Variants in INSR observed in about 807,000 individuals in gnomAD.
INSR encodes the protein IR.
A neutral mutation model predicts 142.6 loss-of-function variants in INSR; 67 were observed. That is an observed-to-expected ratio of 0.47 (90% CI 0.39 to 0.58). The LOEUF (loss-of-function observed/expected upper bound fraction) is 0.58. Among genes scored for constraint, INSR ranks in the 20% least tolerant of loss-of-function variants. The probability of loss-of-function intolerance (pLI) is 0.00; values close to 1 mark genes in which losing one functional copy is unlikely to be tolerated. For synonymous variants in INSR, 756 were observed against 743.1 expected (o/e 1.02, Z -0.28); for missense variants, 1,248 against 1,833.2 (o/e 0.68, Z 5.83).
chr19:7,184,787 C>G (rs935653692), intron 2 of INSR, 150 bp from the exon 3 acceptor site: 57 of 506,504 alleles, frequency 1.1e-4, no homozygotes, highest in Admixed American at 8.1e-5. Flanking sequence ...ACAGTAAAAG[C>G]GGCACGTCTA....
chr19:7,197,414 A>G (rs1319546117), intron 2 of INSR, among the ~76,000 whole-genome samples: 1 of 152,172 alleles, frequency 6.6e-6, no homozygotes, highest in Non-Finnish European at 1.5e-5. Context: ...CGGATCTCTT[A>G]GGAGATATAC....
intron 2 of INSR, among the ~76,000 whole-genome samples, chr19:7,234,659 G>T (rs576887841): frequency 1.4e-4 from 22 of 152,286 alleles, no homozygotes; most frequent in African/African-American, 5.3e-4. Context: ...AATGAAAATG[G>T]GAGAATCGAC....
At chr19:7,160,995 C>CA (rs371302865) in intron 9 of INSR, among the ~76,000 whole-genome samples, 3,893 of 101,652 alleles carry the variant, frequency 0.038, 196 homozygotes, top group African/African-American at 0.13. Context: ...GACTCCGTGT[C>CA]AAAAAAAAAA....
At chr19:7,287,363 G>A (rs1471317060) in intron 1 of INSR, among the ~76,000 whole-genome samples, 1 of 151,858 alleles carries the variant, frequency 6.6e-6, no homozygotes, top group Non-Finnish European at 1.5e-5. Flanking sequence ...GTTTCACCAT[G>A]TTGGTCAGGC....
intron 13 of INSR, among the ~76,000 whole-genome samples, chr19:7,138,883 A>G (rs1242858685): frequency 2.6e-5 from 4 of 152,138 alleles, no homozygotes; most frequent in African/African-American, 9.7e-5. Flanking sequence ...ATATTAATAA[A>G]CTTTGCAATT....
intron 2 of INSR, among the ~76,000 whole-genome samples, chr19:7,199,412 G>A (rs1974887189): frequency 6.6e-6 from 1 of 151,296 alleles, no homozygotes; most frequent in Non-Finnish European, 1.5e-5. Flanking sequence ...TTGTTTGTTT[G>A]TTTGAAACAG....
At chr19:7,201,594 C>T (rs1265498700) in intron 2 of INSR, among the ~76,000 whole-genome samples, 8 of 151,534 alleles carry the variant, frequency 5.3e-5, no homozygotes, top group Non-Finnish European at 1.2e-4. Context: ...CACTGCACTC[C>T]AGCCTGGGCG....
intron 2 of INSR, among the ~76,000 whole-genome samples, chr19:7,188,462 A>G (rs11085214): frequency 0.55 from 82,770 of 149,620 alleles, 24,068 homozygotes; most frequent in Non-Finnish European, 0.62. Context: ...GCTGAGGCAC[A>G]AGAATCACTT....
intron 2 of INSR, among the ~76,000 whole-genome samples, chr19:7,222,970 G>T (rs1176294979): frequency 6.6e-6 from 1 of 152,114 alleles, no homozygotes; most frequent in East Asian, 1.9e-4. Flanking sequence ...ATCACCTGAG[G>T]TCAGGAGTTT....
Position 7,189,878 on chromosome 19 carries a change from G to A in INSR, c.653-5241C>T, listed in dbSNP as rs553254517. On this transcript the variant is annotated intron_variant, in intron 2 of 21. Transcript: ENST00000302850. The stretch of plus-strand genomic sequence containing the variant: ...TGGGTTTCAGCATGTTGGCCAGTCT[G>A]GTCTTGAACTCCTGACCTCAAGTGA... 2.6e-5 allele frequency among the ~76,000 whole-genome samples: 4 copies of A among 151,996 alleles called. No homozygotes were observed. The South Asian group carries it at 6.2e-4, about 24-fold the overall frequency.
intron 2 of INSR, among the ~76,000 whole-genome samples, chr19:7,189,507 T>C (rs1278234803): frequency 2.0e-5 from 3 of 152,154 alleles, no homozygotes; most frequent in Non-Finnish European, 4.4e-5. Flanking sequence ...TTGAAACTAC[T>C]CAACTCTGCC....
intron 2 of INSR, among the ~76,000 whole-genome samples, chr19:7,222,159 C>G (rs1345593563): frequency 6.8e-6 from 1 of 147,374 alleles, no homozygotes; most frequent in Admixed American, 6.8e-5. Context: ...CAGGAGTGAC[C>G]CATGCTCAGC....
chr19:7,135,645 T>C (rs756189383), intron 13 of INSR, among the ~76,000 whole-genome samples: 1 of 151,804 alleles, frequency 6.6e-6, no homozygotes. Flanking sequence ...TAGAGGTGGC[T>C]TTGTTTATGA....
intron 1 of INSR, among the ~76,000 whole-genome samples, chr19:7,283,531 C>G (rs1373791378): frequency 6.6e-6 from 1 of 152,096 alleles, no homozygotes; most frequent in African/African-American, 2.4e-5. Context: ...CCTCTGCCTC[C>G]CGGGTTCCAG....
chr19:7,257,029 G>A (rs1248955315), intron 2 of INSR, among the ~76,000 whole-genome samples: 6 of 140,874 alleles, frequency 4.3e-5, no homozygotes, highest in Non-Finnish European at 6.0e-5. Context: ...TGCAACCTCC[G>A]CCTCCTGGGT....
chr19:7,182,198 T>C (rs1974292212), intron 3 of INSR, among the ~76,000 whole-genome samples: 1 of 151,934 alleles, frequency 6.6e-6, no homozygotes, highest in Admixed American at 6.6e-5. Flanking sequence ...TAGCTGGGTA[T>C]GGTGACAGAT....
chr19:7,236,794 AGGCG>A (rs370750164), intron 2 of INSR, among the ~76,000 whole-genome samples: 4 of 152,304 alleles, frequency 2.6e-5, no homozygotes, highest in African/African-American at 7.2e-5. Flanking sequence ...TGGGAGGCCG[AGGCG>A]GGCGGATCAT....
intron 11 of INSR, among the ~76,000 whole-genome samples, chr19:7,147,904 G>A (rs894104518): frequency 3.3e-5 from 5 of 150,672 alleles, no homozygotes; most frequent in African/African-American, 1.2e-4. Flanking sequence ...AGTGGCAAAA[G>A]ACAAAGCATC....
At chr19:7,237,802 C>A (rs530572372) in intron 2 of INSR, among the ~76,000 whole-genome samples, 1 of 151,000 alleles carries the variant, frequency 6.6e-6, no homozygotes, top group Non-Finnish European at 1.5e-5. Flanking sequence ...GGTGACAGAG[C>A]GAGACTCCAT....
Sources: gnomAD v4.1 joint callset for allele counts (sites outside exome capture counted in the v4.1 genomes callset) on GRCh38, gnomAD v4.1.1 for gene constraint, MANE v1.5 for transcripts, NCBI Gene and HGNC (gene_info 2026-07-23, HGNC 2026-07-21) for gene names.